Variants in DLGAP1 observed in about 807,000 individuals in gnomAD.
DLGAP1 encodes DLG associated protein 1, also known as disks large-associated protein 1.
In DLGAP1, 11 loss-of-function variants were observed where a neutral mutation model predicts 90.8. The ratio of observed to expected loss-of-function variants is 0.12; its 90% CI spans 0.08 to 0.20. The LOEUF is 0.20. DLGAP1 is among the 10% of genes least tolerant of loss of function. The pLI, the probability that DLGAP1 is intolerant of heterozygous loss-of-function variation, is 1.00. For synonymous variants in DLGAP1, 558 were observed against 540.7 expected (o/e 1.03, Z -0.44); for missense variants, 1,050 against 1,333.8 (o/e 0.79, Z 3.31).
At chr18:3,799,642 T>C (rs2066193478) in intron 5 of DLGAP1, among the ~76,000 whole-genome samples, 1 of 152,068 alleles carries the variant, frequency 6.6e-6, no homozygotes, top group South Asian at 2.1e-4. Context: ...CTCCCCGCAA[T>C]ACTCAGCTCA....
At chr18:3,823,999 A>G (rs2067572893) in intron 4 of DLGAP1, among the ~76,000 whole-genome samples, 1 of 150,314 alleles carries the variant, frequency 6.7e-6, no homozygotes, top group Non-Finnish European at 1.5e-5. Context: ...GGTCTATGGT[A>G]AATATATTTT....
chr18:3,979,459 T>TTAAG (rs10653044), intron 3 of DLGAP1, among the ~76,000 whole-genome samples: 152,285 of 152,306 alleles, frequency 1, 76,132 homozygotes, highest in Non-Finnish European at 1. Context: ...ACTCCCATGA[T>TTAAG]TGACACATGA....
intron 1 of DLGAP1, among the ~76,000 whole-genome samples, chr18:4,285,393 A>T (rs1412099725): frequency 6.6e-6 from 1 of 152,180 alleles, no homozygotes; most frequent in Non-Finnish European, 1.5e-5. Flanking sequence ...CAGAAAATGG[A>T]GCTGAAAAGA....
At chr18:3,883,253 A>G (rs1335130844) in intron 3 of DLGAP1, among the ~76,000 whole-genome samples, 4 of 152,238 alleles carry the variant, frequency 2.6e-5, no homozygotes, top group Admixed American at 6.5e-5. Flanking sequence ...CAAAACAAAC[A>G]AACAAACAAA....
intron 1 of DLGAP1, among the ~76,000 whole-genome samples, chr18:4,288,524 T>C (rs1033573697): frequency 7.9e-5 from 12 of 152,314 alleles, no homozygotes; most frequent in Admixed American, 4.6e-4. Context: ...TAAAAATATG[T>C]ATTAATTCAA....
At chr18:4,400,136 T>C (rs1016988002) in intron 1 of DLGAP1, among the ~76,000 whole-genome samples, 2 of 151,916 alleles carry the variant, frequency 1.3e-5, no homozygotes, top group African/African-American at 4.8e-5. Context: ...CCTGAACCAC[T>C]ACCCGGGACA....
At chr18:4,198,169 C>T (rs2077537170) in intron 1 of DLGAP1, among the ~76,000 whole-genome samples, 1 of 151,904 alleles carries the variant, frequency 6.6e-6, no homozygotes, top group Non-Finnish European at 1.5e-5. Context: ...TGCAGTGAGC[C>T]GAGATCGTGC....
intron 3 of DLGAP1, among the ~76,000 whole-genome samples, chr18:3,895,397 T>A (rs1218384869): frequency 6.6e-6 from 1 of 151,788 alleles, no homozygotes; most frequent in Admixed American, 6.6e-5. Context: ...AGGTAGCAAA[T>A]CTACATCCAG....
intron 1 of DLGAP1, among the ~76,000 whole-genome samples, chr18:4,215,777 T>C (rs909578054): frequency 2.0e-5 from 3 of 152,100 alleles, no homozygotes; most frequent in Non-Finnish European, 4.4e-5. Flanking sequence ...GCAATTTTCA[T>C]AGCAAAGGTA....
At chr18:3,868,538 A>G (rs921992983) in intron 4 of DLGAP1, among the ~76,000 whole-genome samples, 1 of 152,186 alleles carries the variant, frequency 6.6e-6, no homozygotes, top group Non-Finnish European at 1.5e-5. Context: ...ACAGAGTCTT[A>G]TAGTGTCCAT....
chr18:4,282,848 A>G (rs969047268), intron 1 of DLGAP1, among the ~76,000 whole-genome samples: 4 of 152,216 alleles, frequency 2.6e-5, no homozygotes, highest in African/African-American at 7.2e-5. Flanking sequence ...ATCATAGCAA[A>G]TAATTCCAGG....
Position 3,604,689 on chromosome 18 carries a change from C to T in DLGAP1, c.1592-22441G>A, listed in dbSNP as rs1156556890. Among the ~76,000 whole-genome samples the T allele has an allele frequency of 2.6e-5, 4 of 152,140 alleles. 1 individual carries two copies. Among genetic ancestry groups the T allele is most frequent in the South Asian group, 4.1e-4 (2 of 4,832 alleles). On this transcript the variant is annotated intron_variant, in intron 7 of 12. Transcript: ENST00000315677. Reference sequence around the variant, plus strand: ...TCCTTCTGTGCATCTTTCTGCTTCCCTAGATCCTACAGTTTTAATGTTATC... The same window carrying T: ...TCCTTCTGTGCATCTTTCTGCTTCCTTAGATCCTACAGTTTTAATGTTATC...
At chr18:3,546,976 T>TA (rs55943266) in intron 9 of DLGAP1, among the ~76,000 whole-genome samples, 2,443 of 149,886 alleles carry the variant, frequency 0.016, 71 homozygotes, top group African/African-American at 0.058. Flanking sequence ...AGCAGACAGA[T>TA]AAAAAAAAAA....
At chr18:4,414,296 TTTTG>T (rs1431578593) in intron 1 of DLGAP1, among the ~76,000 whole-genome samples, 1 of 152,236 alleles carries the variant, frequency 6.6e-6, no homozygotes, top group African/African-American at 2.4e-5. Flanking sequence ...GATGAAATTG[TTTTG>T]TTTTACACAT....
intron 3 of DLGAP1, among the ~76,000 whole-genome samples, chr18:3,920,319 C>T (rs781294509): frequency 1.2e-3 from 153 of 132,188 alleles, no homozygotes; most frequent in Non-Finnish European, 1.7e-3. Flanking sequence ...CGGCACTATA[C>T]TTCTGCCTTC....
chr18:4,434,993 A>G (rs1317603366), intron 1 of DLGAP1, among the ~76,000 whole-genome samples: 1 of 152,228 alleles, frequency 6.6e-6, no homozygotes, highest in African/African-American at 2.4e-5. Flanking sequence ...GAGACTTTAA[A>G]TGGCACACTA....
intron 1 of DLGAP1, among the ~76,000 whole-genome samples, chr18:4,233,592 G>A (rs2078343610): frequency 1.3e-5 from 2 of 152,044 alleles, no homozygotes; most frequent in Non-Finnish European, 2.9e-5. Context: ...TAAAGTTACT[G>A]TTTCTCCTTT....
At chr18:3,602,444 A>C (rs1440588578) in intron 7 of DLGAP1, among the ~76,000 whole-genome samples, 1 of 151,660 alleles carries the variant, frequency 6.6e-6, no homozygotes, top group Non-Finnish European at 1.5e-5. Context: ...AAATACAAAA[A>C]ATTAGCCGGG....
At chr18:4,193,553 T>C (rs1343928077) in intron 1 of DLGAP1, among the ~76,000 whole-genome samples, 1 of 152,144 alleles carries the variant, frequency 6.6e-6, no homozygotes, top group Non-Finnish European at 1.5e-5. Context: ...AAAAGACTCA[T>C]TTAACAATAT....
Sources: gnomAD v4.1 joint callset for allele counts (sites outside exome capture counted in the v4.1 genomes callset) on GRCh38, gnomAD v4.1.1 for gene constraint, MANE v1.5 for transcripts, NCBI Gene and HGNC (gene_info 2026-07-23, HGNC 2026-07-21) for gene names.